SETD2: variants seen among roughly 807,000 people sequenced by gnomAD.
SETD2 encodes SET domain containing 2, histone lysine methyltransferase, also known as histone-lysine N-methyltransferase SETD2.
SETD2 carries 31 observed loss-of-function variants against 242.1 expected under a neutral mutation model. That is an observed-to-expected ratio of 0.13 (90% CI 0.10 to 0.17). The LOEUF is 0.17. Among genes scored for constraint, SETD2 ranks in the 10% least tolerant of loss-of-function variants. The pLI, the probability that SETD2 is intolerant of heterozygous loss-of-function variation, is 1.00. For missense variants in SETD2, 2,481 were observed against 3,046.3 expected, an observed-to-expected ratio of 0.81 and a Z score of 4.37; for synonymous variants, 1,006 against 1,066.5, an observed-to-expected ratio of 0.94 and a Z score of 1.11.
At chr3:47,112,420 T>C (rs757076159) in intron 5 of SETD2, among the ~76,000 whole-genome samples, 2 of 152,056 alleles carry the variant, frequency 1.3e-5, no homozygotes, top group Non-Finnish European at 2.9e-5. Flanking sequence ...TAACTGGGAT[T>C]ATTGGTGCCT....
At chr3:47,149,276 A>G (rs906909240) in intron 1 of SETD2, among the ~76,000 whole-genome samples, 1 of 152,204 alleles carries the variant, frequency 6.6e-6, no homozygotes, top group African/African-American at 2.4e-5. Context: ...GCTAGTGAGC[A>G]CAACCTGTAT....
At chr3:47,118,714 G>C (rs752585567) in intron 3 of SETD2, among the ~76,000 whole-genome samples, 25 of 150,760 alleles carry the variant, frequency 1.7e-4, no homozygotes, top group Admixed American at 6.6e-4. Flanking sequence ...CCACTGCAAA[G>C]TGGTGGAAGC....
intron 1 of SETD2, among the ~76,000 whole-genome samples, chr3:47,136,931 G>A (rs955698846): frequency 6.6e-5 from 10 of 152,058 alleles, no homozygotes; most frequent in African/African-American, 2.2e-4. Flanking sequence ...TCCAGCCTGG[G>A]CAACAGAGCA....
chr3:47,127,452 G>C (rs2043363938), intron 1 of SETD2: 1 of 304,196 alleles, frequency 3.3e-6, no homozygotes, highest in Admixed American at 4.1e-5. Flanking sequence ...ATAAGGCTGG[G>C]TGTAGTGGCC....
Position 47,090,183 on chromosome 3 carries a change from G to A in SETD2, c.5143-1936C>T, listed in dbSNP as rs1253109443. Among the ~76,000 whole-genome samples, 9 of 152,126 alleles carry A rather than the reference G, an allele frequency of 5.9e-5. No homozygotes were observed. In the East Asian group the frequency reaches 1.4e-3, roughly 23 times the overall value. ...AATAGCTTGAACCCACGAGGTGGAG[G>A]TTGCAGTGAACCAAGATTGTGCCAC... On this transcript the variant is annotated intron_variant, in intron 9 of 20. Transcript: ENST00000409792.
At position 47,122,861 on chromosome 3, in the gene SETD2, G is replaced by A. The variant is rs115569620; in HGVS notation, c.1775C>T (p.Thr592Ile). The A allele has an allele frequency of 6.2e-7, 1 of 1,611,690 alleles. No homozygotes were observed. The highest frequency in any genetic ancestry group is 2.2e-5 in the East Asian group (1 of 44,848). The change falls in exon 3 of 21, where the codon ACA (threonine) becomes ATA (isoleucine). Residue 592 changes from threonine (T) to isoleucine (I), a missense_variant. Around this residue, in one of 17 missense-constraint regions of SETD2, gnomAD observed 1,300 missense variants for 1,259.2 expected, o/e 1.03. Transcript: ENST00000409792. ...TAATTCACTACCTTTTGAACAAGGT[G>A]TCTGTAAACTAAAAGAATGAGACTG... Reference protein sequence around the residue: ...IKQSHSFSLQTPCSKGSELRM... With the variant: ...IKQSHSFSLQIPCSKGSELRM...
chr3:47,078,661 G>A (rs2041199498), intron 12 of SETD2, among the ~76,000 whole-genome samples: 1 of 150,908 alleles, frequency 6.6e-6, no homozygotes, highest in Admixed American at 6.7e-5. Flanking sequence ...AAGTTACACA[G>A]AAGAATATCC....
Position 47,151,598 on chromosome 3 carries a change from C to T in SETD2, c.71+12256G>A, listed in dbSNP as rs188073560. Among the ~76,000 whole-genome samples, 53 of 152,132 alleles carry T rather than the reference C, an allele frequency of 3.5e-4. No individual in the cohort carries two copies. The East Asian group carries it at 8.7e-3, about 25-fold the overall frequency. On this transcript the variant is annotated intron_variant, in intron 1 of 20. Transcript: ENST00000409792. ...ATCCCAGCATGTGGGGAGGCCAAGG[C>T]GGGTGGATCACCTGAGATCGGGAGT...
chr3:47,039,613 C>T (rs1018587712), intron 17 of SETD2, among the ~76,000 whole-genome samples: 4 of 150,566 alleles, frequency 2.7e-5, no homozygotes, highest in African/African-American at 9.8e-5. Flanking sequence ...CACCTGTAAT[C>T]CCAGCACTTT....
At position 47,116,742 on chromosome 3, in the gene SETD2, T is replaced by C; in HGVS notation, c.4467A>G (p.Lys1489=). The C allele has an allele frequency of 6.3e-7, 1 of 1,597,092 alleles. No individual in the cohort carries two copies. The highest frequency in any genetic ancestry group is 2.2e-5 in the East Asian group (1 of 44,672). The part of the protein sequence containing the change: ...NVYLTERKKN[K]SHRDIKRMQC... ...GCATTCGCTTAATATCTCGATGAGATTTATTCTTCTTTCTATTGGGTAAAA... is the reference window on the plus strand; with the variant it reads ...GCATTCGCTTAATATCTCGATGAGACTTATTCTTCTTTCTATTGGGTAAAA... The change falls in exon 4 of 21, where the codon AAA becomes AAG. Residue 1489 remains lysine, a synonymous_variant. Coordinates refer to ENST00000409792, the MANE Select transcript of SETD2 (RefSeq NM_014159.7).
In SETD2 at chr3:47,121,656, C is replaced by G. The variant is rs2106656894; in HGVS notation, c.2980G>C (p.Asp994His). 3.7e-6 allele frequency: 6 copies of G among 1,613,994 alleles called. No individual in the cohort carries two copies. Among genetic ancestry groups the G allele is most frequent in the Non-Finnish European group, 5.1e-6 (6 of 1,179,898 alleles). Residue 994 changes from aspartate (D) to histidine (H), a missense_variant, in exon 3 of 21, where the codon GAT becomes CAT. This residue lies in a region of SETD2 where 1,300 missense variants were observed against 1,259.2 expected (regional missense o/e 1.03). Transcript: ENST00000409792. ...RGEGGHVHTS[D>H]DSEVVFSSCD... ...GAAGAAAATACAACTTCTGAGTCATCAGAAGTATGCACATGTCCTCCTTCT... is the reference window on the plus strand; with the variant it reads ...GAAGAAAATACAACTTCTGAGTCATGAGAAGTATGCACATGTCCTCCTTCT...
In SETD2 at chr3:47,123,423, A is replaced by T. The variant is rs2106703433; in HGVS notation, c.1213T>A (p.Ser405Thr). The change falls in exon 3 of 21, where the codon TCT becomes ACT. Residue 405 changes from serine (S) to threonine (T), a missense_variant. Physicochemically the swap from Ser to Thr is moderately conservative, Grantham distance 58 (BLOSUM62 1). Around this residue, in one of 17 missense-constraint regions of SETD2, gnomAD observed 1,300 missense variants for 1,259.2 expected, o/e 1.03. Transcript: ENST00000409792. ...RSERERRRSRSHSRSERGSRT... is the reference protein window; with the variant it reads ...RSERERRRSRTHSRSERGSRT... ...GAGCCTCTCTCAGACCTAGAGTGAG[A>T]TCTGCTCCGCCGTCGCTCTCTTTCT... The T allele has an allele frequency of 3.2e-6, 5 of 1,551,666 alleles. No individual in the cohort carries two copies. Among genetic ancestry groups the T allele is most frequent in the Non-Finnish European group, 4.4e-6 (5 of 1,146,990 alleles).
rs773098323 is a variant in SETD2 at position 47,120,833 on chromosome 3, G to C, written c.3803C>G (p.Ser1268Cys). Residue 1268 changes from serine to cysteine, a missense_variant, in exon 3 of 21, where the codon TCT (serine) becomes TGT (cysteine). Ser to Cys is a moderately radical substitution (Grantham distance 112). This residue lies in a region of SETD2 where 1,300 missense variants were observed against 1,259.2 expected (regional missense o/e 1.03). Coordinates refer to ENST00000409792, the MANE Select transcript of SETD2 (RefSeq NM_014159.7). Reference sequence around the variant, plus strand: ...ACTGTCAGGTTGCTGATACGTGGTAGAAGGCTTTTCTTGAGAGAAGTCCCA... The same window carrying C: ...ACTGTCAGGTTGCTGATACGTGGTACAAGGCTTTTCTTGAGAGAAGTCCCA... ...LGWDFSQEKPSTTYQQPDSSY... is the reference protein window; with the variant it reads ...LGWDFSQEKPCTTYQQPDSSY... 2.5e-6 allele frequency: 4 copies of C among 1,614,114 alleles called. No homozygotes were observed. The highest frequency in any genetic ancestry group is 3.4e-6 in the Non-Finnish European group (4 of 1,180,042).
rs1228282317 is a variant in SETD2, at chr3:47,158,360, A to AT, written c.71+5493dup. Among the ~76,000 whole-genome samples, 8 of 152,158 alleles carry AT rather than the reference A, an allele frequency of 5.3e-5. No individual in the cohort carries two copies. The East Asian group carries it at 1.4e-3, about 26-fold the overall frequency. On this transcript the variant is annotated intron_variant, in intron 1 of 20. Coordinates refer to ENST00000409792, the MANE Select transcript of SETD2 (RefSeq NM_014159.7). ...ACTGTCCAGGTCCACTTATACACAG[A>AT]TTTTTTTCAATAAAAGTTACACACC...
chr3:47,105,700 C>T (rs766876428), intron 6 of SETD2: 32 of 442,256 alleles, frequency 7.2e-5, no homozygotes, highest in African/African-American at 4.5e-4. Context: ...GTCAGGAGAT[C>T]GAGACCAGCC....
In SETD2 at chr3:47,116,578, T is replaced by G. The variant is rs530648128; in HGVS notation, c.4586+45A>C. ...TTGATAATTCAATATTTAGAGACAT[T>G]TAATAGAAGTGTTGAGCAAAAGCCG... On this transcript the variant is annotated intron_variant, in intron 4 of 20. Transcript: ENST00000409792. 4.5e-6 allele frequency: 7 copies of G among 1,563,060 alleles called. No homozygotes were observed. The African/African-American group carries it at 8.2e-5, about 18-fold the overall frequency.
chr3:47,025,446 C>G (rs1559640933), intron 18 of SETD2, among the ~76,000 whole-genome samples: 4 of 152,200 alleles, frequency 2.6e-5, no homozygotes, highest in African/African-American at 9.7e-5. Flanking sequence ...GACTGTCTGA[C>G]TCCCTTGCAT....
intron 17 of SETD2, among the ~76,000 whole-genome samples, chr3:47,038,042 T>A (rs1293797567): frequency 6.6e-6 from 1 of 152,094 alleles, no homozygotes; most frequent in African/African-American, 2.4e-5. Context: ...AACCCAAACA[T>A]CCTGTCTGTC....
At chr3:47,114,025 A>G in intron 4 of SETD2, 21 bp from the exon 5 acceptor site, 1 of 1,595,556 alleles carries the variant, frequency 6.3e-7, no homozygotes, top group Non-Finnish European at 8.5e-7. Flanking sequence ...AAAAGGAGGA[A>G]ATTTAATTCT....
Sources: allele counts gnomAD v4.1 joint callset (sites outside exome capture counted in the v4.1 genomes callset), GRCh38; gene constraint gnomAD v4.1.1; regional missense constraint gnomAD v4.1.1; transcripts MANE v1.5; gene names NCBI Gene and HGNC (gene_info 2026-07-23, HGNC 2026-07-21).